Variants in LRP1B observed in about 807,000 individuals in gnomAD.
LRP1B encodes the protein low-density lipoprotein receptor-related protein 1B.
LRP1B carries 217 observed loss-of-function variants against 556.6 expected under a neutral mutation model. The observed-to-expected ratio is 0.39, with a 90% CI of 0.35 to 0.44. The LOEUF (loss-of-function observed/expected upper bound fraction) is 0.44. Among genes scored for constraint, LRP1B ranks in the 20% least tolerant of loss-of-function variants. LRP1B has a pLI of 1.00. For synonymous variants in LRP1B, 2,047 were observed against 1,865.8 expected, an observed-to-expected ratio of 1.10 and a Z score of -2.50; for missense variants, 5,053 against 5,620.8, an observed-to-expected ratio of 0.90 and a Z score of 3.23.
At chr2:140,346,359 T>C (rs1303524155) in intron 77 of LRP1B, among the ~76,000 whole-genome samples, 1 of 151,860 alleles carries the variant, frequency 6.6e-6, no homozygotes, top group African/African-American at 2.4e-5. Flanking sequence ...AAGTGTCAAA[T>C]TTATACCTCT....
intron 55 of LRP1B, among the ~76,000 whole-genome samples, chr2:140,499,959 A>G (rs1017728437): frequency 6.6e-6 from 1 of 151,914 alleles, no homozygotes; most frequent in Non-Finnish European, 1.5e-5. Flanking sequence ...TGAATTCAGG[A>G]AAGATTTCTA....
chr2:142,085,232 G>A (rs1224604116), intron 1 of LRP1B, among the ~76,000 whole-genome samples: 1 of 152,096 alleles, frequency 6.6e-6, no homozygotes, highest in Non-Finnish European at 1.5e-5. Context: ...TTAAGTCAAA[G>A]TTTAACCTTC....
chr2:140,552,054 GC>G (rs908388119), intron 43 of LRP1B, among the ~76,000 whole-genome samples: 1 of 152,054 alleles, frequency 6.6e-6, no homozygotes, highest in Non-Finnish European at 1.5e-5. Flanking sequence ...CAGACTCGAA[GC>G]ATCCAAGATT....
intron 41 of LRP1B, among the ~76,000 whole-genome samples, chr2:140,619,198 C>T (rs897543925): frequency 2.6e-5 from 4 of 151,902 alleles, no homozygotes; most frequent in Non-Finnish European, 4.4e-5. Context: ...TTCCAGTCCC[C>T]TATCATTCCC....
At chr2:142,127,187 T>C (rs1335067090) in intron 1 of LRP1B, among the ~76,000 whole-genome samples, 1 of 151,970 alleles carries the variant, frequency 6.6e-6, no homozygotes, top group Non-Finnish European at 1.5e-5. Context: ...CTCTCCATTC[T>C]TAGAGGTCTA....
intron 1 of LRP1B, among the ~76,000 whole-genome samples, chr2:141,957,786 G>A (rs1012436690): frequency 2.6e-5 from 4 of 152,046 alleles, no homozygotes; most frequent in Non-Finnish European, 5.9e-5. Flanking sequence ...ATGTGAAATT[G>A]TGGTGTGACA....
intron 2 of LRP1B, among the ~76,000 whole-genome samples, chr2:141,661,508 C>T (rs1402652062): frequency 2.0e-5 from 3 of 152,122 alleles, no homozygotes; most frequent in Non-Finnish European, 4.4e-5. Flanking sequence ...ACTTGAAAAA[C>T]ACAACACGAG....
At chr2:141,809,761 A>C (rs958655437) in intron 2 of LRP1B, among the ~76,000 whole-genome samples, 4 of 152,054 alleles carry the variant, frequency 2.6e-5, no homozygotes, top group Non-Finnish European at 4.4e-5. Flanking sequence ...TCAGTCTCAA[A>C]GGAAAATATG....
intron 1 of LRP1B, among the ~76,000 whole-genome samples, chr2:142,006,622 C>T (rs1702809010): frequency 1.3e-5 from 2 of 152,154 alleles, no homozygotes; most frequent in Admixed American, 1.3e-4. Flanking sequence ...CAGCCAACTG[C>T]CATCAACATG....
intron 2 of LRP1B, among the ~76,000 whole-genome samples, chr2:141,542,555 G>C (rs1377834631): frequency 6.6e-6 from 1 of 151,908 alleles, no homozygotes; most frequent in Non-Finnish European, 1.5e-5. Context: ...TGATATAGAA[G>C]GTTGTATGCT....
intron 43 of LRP1B, among the ~76,000 whole-genome samples, chr2:140,589,223 A>G (rs982027615): frequency 1.3e-5 from 2 of 152,214 alleles, no homozygotes; most frequent in Non-Finnish European, 2.9e-5. Flanking sequence ...TTTGCTCAGC[A>G]TAAATCTCAT....
chr2:140,815,249 A>G (rs991720750), intron 31 of LRP1B, among the ~76,000 whole-genome samples: 2 of 152,182 alleles, frequency 1.3e-5, no homozygotes, highest in Non-Finnish European at 2.9e-5. Context: ...TCTCAACTAC[A>G]GGGATTCCCA....
intron 3 of LRP1B, among the ~76,000 whole-genome samples, chr2:141,442,103 T>A (rs1018208803): frequency 2.6e-5 from 4 of 152,190 alleles, no homozygotes. Context: ...ATAAATTTCA[T>A]GAAAAGACTG....
intron 41 of LRP1B, among the ~76,000 whole-genome samples, chr2:140,631,570 T>A (rs1293127117): frequency 6.6e-6 from 1 of 152,168 alleles, no homozygotes; most frequent in Non-Finnish European, 1.5e-5. Context: ...AAAGAATCAG[T>A]GAGCTCAAAG....
chr2:140,588,413 A>G (rs1290623646), intron 43 of LRP1B, among the ~76,000 whole-genome samples: 1 of 152,230 alleles, frequency 6.6e-6, no homozygotes, highest in African/African-American at 2.4e-5. Context: ...AACTGCTAAA[A>G]AAGTTAGACA....
At chr2:140,658,011 C>T (rs1684953366) in intron 41 of LRP1B, among the ~76,000 whole-genome samples, 2 of 152,008 alleles carry the variant, frequency 1.3e-5, no homozygotes. Context: ...TATTTGAAAA[C>T]TTCCATAATA....
At chr2:141,669,119 T>A (rs866839123) in intron 2 of LRP1B, among the ~76,000 whole-genome samples, 1 of 151,016 alleles carries the variant, frequency 6.6e-6, no homozygotes, top group Admixed American at 6.6e-5. Flanking sequence ...AGATGGGGGC[T>A]TTGAAGAACC....
At chr2:140,978,150 T>C (rs1313366820) in intron 18 of LRP1B, among the ~76,000 whole-genome samples, 2 of 152,204 alleles carry the variant, frequency 1.3e-5, no homozygotes, top group Non-Finnish European at 2.9e-5. Context: ...CCAATTAATG[T>C]AAACGTGCAC....
At chr2:140,360,902 T>C (rs1384638728) in intron 72 of LRP1B, among the ~76,000 whole-genome samples, 3 of 151,538 alleles carry the variant, frequency 2.0e-5, no homozygotes, top group African/African-American at 7.3e-5. Flanking sequence ...TATAATTTAC[T>C]TCATTTGTAA....
Sources: gnomAD v4.1 joint callset for allele counts (sites outside exome capture counted in the v4.1 genomes callset) on GRCh38, gnomAD v4.1.1 for gene constraint, MANE v1.5 for transcripts, NCBI Gene and HGNC (gene_info 2026-07-23, HGNC 2026-07-21) for gene names.